ACACA: variants seen among roughly 807,000 people sequenced by gnomAD.
ACACA encodes the protein acetyl-CoA carboxylase 1.
A neutral mutation model predicts 296.1 loss-of-function variants in ACACA; 103 were observed. That is an observed-to-expected ratio of 0.35 (90% CI 0.30 to 0.41). The LOEUF is 0.41. Ranked by LOEUF, ACACA falls within the 10% of genes least tolerant of loss-of-function variation. The pLI is 1.00. For synonymous variants in ACACA, 953 were observed against 1,038.6 expected (o/e 0.92, Z 1.58); for missense variants, 1,554 against 2,989.7 (o/e 0.52, Z 11.20).
At chr17:37,282,316 C>T (rs989625580) in intron 5 of ACACA, among the ~76,000 whole-genome samples, 1 of 152,188 alleles carries the variant, frequency 6.6e-6, no homozygotes, top group South Asian at 2.1e-4. Context: ...GTCCTGAGGC[C>T]TCCCCAGAAG....
At chr17:37,155,595 G>T in intron 43 of ACACA, 88 bp downstream of exon 43, 1 of 897,976 alleles carries the variant, frequency 1.1e-6, no homozygotes, top group Non-Finnish European at 1.9e-6. Flanking sequence ...GTTCTTCAAG[G>T]TTATGAACAG....
At chr17:37,348,806 G>C (rs931910047) in intron 1 of ACACA, among the ~76,000 whole-genome samples, 4 of 151,626 alleles carry the variant, frequency 2.6e-5, no homozygotes, top group Admixed American at 6.6e-5. Flanking sequence ...AAAATTAGCC[G>C]GGGGTGGTGG....
intron 41 of ACACA, among the ~76,000 whole-genome samples, chr17:37,167,894 T>C (rs1374138174): frequency 1.3e-5 from 2 of 152,140 alleles, no homozygotes; most frequent in African/African-American, 4.8e-5. Context: ...GGGAAGTAAA[T>C]TGGATAGCAA....
chr17:37,151,189 A>T, intron 44 of ACACA, 112 bp downstream of exon 44: 1 of 1,225,672 alleles, frequency 8.2e-7, no homozygotes, highest in South Asian at 1.3e-5. Flanking sequence ...TTATAGACAT[A>T]CAATCTTCAA....
chr17:37,252,764 T>A, intron 15 of ACACA, 122 bp downstream of exon 15: 1 of 1,349,146 alleles, frequency 7.4e-7, no homozygotes, highest in South Asian at 1.2e-5. Flanking sequence ...ACTCCTAGAT[T>A]TTTCCAGGTA....
chr17:37,164,119 C>A (rs564926486), intron 41 of ACACA, among the ~76,000 whole-genome samples: 21 of 148,660 alleles, frequency 1.4e-4, no homozygotes, highest in African/African-American at 5.2e-4. Context: ...ACAAAGCCTA[C>A]CTACCAGATG....
Position 37,116,938 on chromosome 17 carries a change from GAATGGAAAATACTGATAGGTTCC to G in ACACA, c.6275-3696_6275-3674del, listed in dbSNP as rs2074285926. 3.3e-5 allele frequency among the ~76,000 whole-genome samples: 5 copies of G among 152,310 alleles called. No individual in the cohort carries two copies. In the South Asian group the frequency reaches 1.0e-3, roughly 32 times the overall value. On this transcript the variant is annotated intron_variant, in intron 50 of 55. Coordinates refer to ENST00000616317, the MANE Select transcript of ACACA (RefSeq NM_198834.3). ...CTCAGGCCCTGAGAAACGCAACTGG[GAATGGAAAATACTGATAGGTTCC>G]TCACTGGAGAGGCGGGAGCTTGGAG... is the stretch of plus-strand genomic sequence containing the variant.
At chr17:37,094,572 ACCCC>A (rs67691656) in intron 54 of ACACA, among the ~76,000 whole-genome samples, 83 of 114,548 alleles carry the variant, frequency 7.2e-4, no homozygotes, top group East Asian at 3.3e-3. Flanking sequence ...TTGAAGAACC[ACCCC>A]CCCCCCCCCA....
In ACACA at chr17:37,325,687, G is replaced by T. The variant is rs1166784852; in HGVS notation, c.338+4486C>A. Among the ~76,000 whole-genome samples the T allele has an allele frequency of 3.0e-5, 4 of 134,162 alleles. No homozygotes were observed. The East Asian group carries it at 9.3e-4, about 31-fold the overall frequency. 88.0% of individuals were successfully genotyped at this position (134,162 alleles called of 152,430 possible). A position where few individuals can be genotyped will look rare whatever the true frequency, so the allele number is the denominator to read the frequency against. On this transcript the variant is annotated intron_variant, in intron 3 of 55. Transcript: ENST00000616317. ...ACCCCCGGATTCAAGCACTTCTCCT[G>T]CCTCAGCCTCTCGACTGGCTGGAAC...
At chr17:37,319,810 G>A (rs368032221) in intron 3 of ACACA, among the ~76,000 whole-genome samples, 1 of 152,192 alleles carries the variant, frequency 6.6e-6, no homozygotes, top group South Asian at 2.1e-4. Context: ...AAATTAGCTG[G>A]GGGTGGTGGC....
In ACACA at chr17:37,087,286, G is replaced by C. The variant is rs781130249; in HGVS notation, c.*30C>G. On this transcript the variant is annotated 3_prime_UTR_variant, in exon 56 of 56. Transcript: ENST00000616317. Reference sequence around the variant, plus strand: ...GGCAGCTCTAGCCCTTTTCTCCAGAGACAGGGCAGGGACAGGCAGGAAGCT... The same window carrying C: ...GGCAGCTCTAGCCCTTTTCTCCAGACACAGGGCAGGGACAGGCAGGAAGCT... 1 of 1,613,882 alleles carries C rather than the reference G, an allele frequency of 6.2e-7. No individual in the cohort carries two copies. The highest frequency in any genetic ancestry group is 8.5e-7 in the Non-Finnish European group (1 of 1,179,984).
At chr17:37,346,018 C>T (rs1423241363) in intron 1 of ACACA, among the ~76,000 whole-genome samples, 1 of 152,022 alleles carries the variant, frequency 6.6e-6, no homozygotes, top group Admixed American at 6.6e-5. Context: ...TTTCACATTA[C>T]AATGAGCTAT....
chr17:37,373,826 C>A (rs2049895438), intron 1 of ACACA, among the ~76,000 whole-genome samples: 1 of 152,094 alleles, frequency 6.6e-6, no homozygotes, highest in African/African-American at 2.4e-5. Flanking sequence ...CTCAGGGGAG[C>A]AGAGAATCAT....
intron 45 of ACACA, among the ~76,000 whole-genome samples, chr17:37,136,304 A>T (rs1215931038): frequency 6.6e-6 from 1 of 152,172 alleles, no homozygotes; most frequent in East Asian, 1.9e-4. Context: ...ATGGAGTCAT[A>T]CAGTACATAG....
At chr17:37,195,151 GAA>G (rs1422761479) in intron 35 of ACACA, among the ~76,000 whole-genome samples, 1 of 152,092 alleles carries the variant, frequency 6.6e-6, no homozygotes, top group Non-Finnish European at 1.5e-5. Context: ...CTCTCTGAAA[GAA>G]AAGTCAAGGA....
At chr17:37,250,986 C>T (rs531878757) in intron 16 of ACACA, among the ~76,000 whole-genome samples, 4 of 152,232 alleles carry the variant, frequency 2.6e-5, no homozygotes, top group South Asian at 4.1e-4. Context: ...GAGATTGCGC[C>T]ACTGCACTCC....
chr17:37,145,535 C>T (rs1259427990), intron 45 of ACACA, among the ~76,000 whole-genome samples: 1 of 152,210 alleles, frequency 6.6e-6, no homozygotes, highest in Admixed American at 6.5e-5. Flanking sequence ...GACCGGACCA[C>T]CTTCTCTTAG....
Position 37,087,457 on chromosome 17 carries a change from G to T in ACACA, c.7029-18C>A. The T allele has an allele frequency of 6.2e-7, 1 of 1,614,106 alleles. No individual in the cohort carries two copies. The highest frequency in any genetic ancestry group is 8.5e-7 in the Non-Finnish European group (1 of 1,180,020). On this transcript the variant is annotated intron_variant, in intron 55 of 55. Transcript: ENST00000616317. ...GGACCAAGCTGGAAAGGAAGATTGA[G>T]AATGGTGAAGAAAAGAGAAGCAGAA...
In ACACA at chr17:37,274,275, T is replaced by C. The variant is rs760250740; in HGVS notation, c.926A>G (p.Asn309Ser). Residue 309 changes from asparagine to serine, a missense_variant, in exon 9 of 56, where the codon AAT (asparagine) becomes AGT (serine). Coordinates refer to ENST00000616317, the MANE Select transcript of ACACA (RefSeq NM_198834.3). The part of the protein sequence containing the change: ...GSGLRVDWQE[N>S]DFSKRILNVP... Reference sequence around the variant, plus strand: ...ATTTAAGATACGTTTTGAAAAATCATTTTCCTGCCAGTCCACACGAAGACC... The same window carrying C: ...ATTTAAGATACGTTTTGAAAAATCACTTTCCTGCCAGTCCACACGAAGACC... The C allele has an allele frequency of 6.6e-5, 106 of 1,614,036 alleles. 1 individual carries two copies. Among genetic ancestry groups the C allele is most frequent in the Non-Finnish European group, 8.6e-5 (102 of 1,179,996 alleles).
Sources: allele counts gnomAD v4.1 joint callset (sites outside exome capture counted in the v4.1 genomes callset), GRCh38; gene constraint gnomAD v4.1.1; transcripts MANE v1.5; gene names NCBI Gene and HGNC (gene_info 2026-07-23, HGNC 2026-07-21).